Variants in ERH observed in about 807,000 individuals in gnomAD.
The protein encoded by ERH is enhancer of rudimentary homolog.
In ERH, 1 loss-of-function variant was observed where a neutral mutation model predicts 16.8. The ratio of observed to expected loss-of-function variants is 0.06; its 90% CI spans 0.02 to 0.28. The LOEUF is 0.28. Among genes scored for constraint, ERH ranks in the 10% least tolerant of loss-of-function variants. The probability of loss-of-function intolerance (pLI) is 1.00; values close to 1 mark genes in which losing one functional copy is unlikely to be tolerated. For missense variants in ERH, 42 were observed against 127.5 expected (o/e 0.33, Z 3.23); for synonymous variants, 43 against 43.6 (o/e 0.99, Z 0.05).
At chr14:69,398,104 C>T (rs1882411788) in intron 1 of ERH, 127 bp downstream of exon 1, 1 of 1,190,300 alleles carries the variant, frequency 8.4e-7, no homozygotes, top group Non-Finnish European at 1.2e-6. Context: ...GTCAATCCAC[C>T]GACTAGAGTG....
chr14:69,390,257 A>G (rs2045916511), intron 2 of ERH, among the ~76,000 whole-genome samples: 1 of 151,660 alleles, frequency 6.6e-6, no homozygotes, highest in Admixed American at 6.5e-5. Flanking sequence ...GACAGCCAAA[A>G]TAATCTTGAA....
At chr14:69,390,548 A>T (rs2045918435) in intron 2 of ERH, among the ~76,000 whole-genome samples, 1 of 152,210 alleles carries the variant, frequency 6.6e-6, no homozygotes, top group Non-Finnish European at 1.5e-5. Flanking sequence ...CAGACCAGAG[A>T]CTTAAAAGTA....
intron 2 of ERH, among the ~76,000 whole-genome samples, chr14:69,388,066 A>G (rs2045903262): frequency 6.6e-6 from 1 of 152,048 alleles, no homozygotes; most frequent in South Asian, 2.1e-4. Context: ...CAAACAAAAA[A>G]TCCTAGACTA....
At chr14:69,388,975 C>A (rs1389602076) in intron 2 of ERH, among the ~76,000 whole-genome samples, 1 of 151,840 alleles carries the variant, frequency 6.6e-6, no homozygotes, top group Non-Finnish European at 1.5e-5. Context: ...AAAATAAAAA[C>A]TAGGAAAATA....
chr14:69,390,172 CA>C (rs2045916015), intron 2 of ERH, among the ~76,000 whole-genome samples: 1 of 150,888 alleles, frequency 6.6e-6, no homozygotes, highest in Non-Finnish European at 1.5e-5. Flanking sequence ...ACGCAATTCC[CA>C]TAAAAATCCA....
At chr14:69,395,603 A>C (rs1882316761) in intron 1 of ERH, among the ~76,000 whole-genome samples, 1 of 152,222 alleles carries the variant, frequency 6.6e-6, no homozygotes, top group Non-Finnish European at 1.5e-5. Context: ...ACAAAAGGGG[A>C]AATAGTATAA....
At chr14:69,397,491 T>C (rs1374819381) in intron 1 of ERH, among the ~76,000 whole-genome samples, 1 of 149,042 alleles carries the variant, frequency 6.7e-6, no homozygotes, top group Admixed American at 6.7e-5. Flanking sequence ...AAACGAAAGC[T>C]GAAAAAACAC....
Position 69,393,983 on chromosome 14 carries a change from T to C in ERH, c.91+842A>G, listed in dbSNP as rs115061803. ...CTGCAATAAGCCATTATCACCACTG[T>C]ACCCCAGCCTGGGTGACAGAGCAAG... is the stretch of plus-strand genomic sequence containing the variant. On this transcript the variant is annotated intron_variant, in intron 2 of 3. Transcript: ENST00000557016. 3.2e-3 allele frequency among the ~76,000 whole-genome samples: 477 copies of C among 150,464 alleles called. 4 individuals carry two copies. Among genetic ancestry groups the C allele is most frequent in the African/African-American group, 0.011 (463 of 40,870 alleles).
intron 2 of ERH, among the ~76,000 whole-genome samples, chr14:69,388,586 T>G (rs746975043): frequency 2.0e-5 from 3 of 152,178 alleles, no homozygotes; most frequent in Non-Finnish European, 4.4e-5. Context: ...GATCTTGAAC[T>G]CCTGACCTCA....
At chr14:69,392,055 A>C (rs1882225484) in intron 2 of ERH, among the ~76,000 whole-genome samples, 1 of 152,168 alleles carries the variant, frequency 6.6e-6, no homozygotes, top group South Asian at 2.1e-4. Flanking sequence ...GGGAGGAAAG[A>C]AGGCGTATGC....
intron 3 of ERH, among the ~76,000 whole-genome samples, chr14:69,382,439 C>G (rs2045868168): frequency 6.6e-6 from 1 of 152,144 alleles, no homozygotes; most frequent in Non-Finnish European, 1.5e-5. Context: ...ATTATCATAT[C>G]TGGGTGGGAC....
intron 2 of ERH, among the ~76,000 whole-genome samples, chr14:69,389,733 C>G (rs1430742527): frequency 6.6e-6 from 1 of 152,054 alleles, no homozygotes; most frequent in South Asian, 2.1e-4. Context: ...AAAAGTAGTA[C>G]AAAACGTGTA....
intron 2 of ERH, among the ~76,000 whole-genome samples, chr14:69,388,110 CCT>C (rs1453265373): frequency 3.9e-5 from 6 of 152,140 alleles, no homozygotes; most frequent in Non-Finnish European, 5.9e-5. Flanking sequence ...CAACTCTGCC[CCT>C]GTCAAACCGA....
chr14:69,393,294 C>T (rs1952255), intron 2 of ERH, among the ~76,000 whole-genome samples: 2 of 151,930 alleles, frequency 1.3e-5, no homozygotes, highest in Non-Finnish European at 2.9e-5. Context: ...CCAGCCTGGG[C>T]GACAGAGTGA....
At chr14:69,382,988 C>G (rs2045872122) in intron 3 of ERH, among the ~76,000 whole-genome samples, 1 of 152,108 alleles carries the variant, frequency 6.6e-6, no homozygotes, top group African/African-American at 2.4e-5. Flanking sequence ...AGCTGTGGGT[C>G]TGGGCAGTGA....
intron 2 of ERH, among the ~76,000 whole-genome samples, chr14:69,391,177 A>G (rs1038061915): frequency 6.6e-6 from 1 of 152,216 alleles, no homozygotes; most frequent in Non-Finnish European, 1.5e-5. Flanking sequence ...GCCTACACAG[A>G]AATGTTTATA....
At position 69,384,977 on chromosome 14, in the gene ERH, A is replaced by C. The variant is rs193156546; in HGVS notation, c.212+1986T>G. 2.0e-3 allele frequency among the ~76,000 whole-genome samples: 302 copies of C among 152,134 alleles called. 1 individual carries two copies. Among genetic ancestry groups the C allele is most frequent in the African/African-American group, 7.0e-3 (291 of 41,500 alleles). ...TCATTTCCAACTACTTCAATTTCCT[A>C]ATTTCAAGCATGTCATTCTCTGATC... On this transcript the variant is annotated intron_variant, in intron 3 of 3. Coordinates refer to ENST00000557016, the MANE Select transcript of ERH (RefSeq NM_004450.3).
intron 1 of ERH, among the ~76,000 whole-genome samples, chr14:69,397,172 C>T (rs1882362050): frequency 6.6e-6 from 1 of 152,158 alleles, no homozygotes; most frequent in Admixed American, 6.5e-5. Flanking sequence ...AAGAACATAA[C>T]ATGATACATT....
chr14:69,395,816 T>G (rs563186448), intron 1 of ERH, among the ~76,000 whole-genome samples: 4 of 152,278 alleles, frequency 2.6e-5, no homozygotes, highest in African/African-American at 9.6e-5. Flanking sequence ...CATACCAAAA[T>G]CACATATTAG....
Sources: gnomAD v4.1 joint callset for allele counts (sites outside exome capture counted in the v4.1 genomes callset) on GRCh38, gnomAD v4.1.1 for gene constraint, MANE v1.5 for transcripts, NCBI Gene and HGNC (gene_info 2026-07-23, HGNC 2026-07-21) for gene names.